Variants in SUSD4 observed in about 807,000 individuals in gnomAD.
The protein encoded by SUSD4 is sushi domain containing 4, also known as sushi domain-containing protein 4.
Under a neutral mutation model 50.5 loss-of-function variants are expected in SUSD4, and 41 were observed. The ratio of observed to expected loss-of-function variants is 0.81; its 90% confidence interval spans 0.63 to 1.05. The LOEUF (loss-of-function observed/expected upper bound fraction) is 1.05. SUSD4 is among the 50% of genes least tolerant of loss of function. SUSD4 has a pLI of 0.00. For missense variants in SUSD4, 580 were observed against 634.7 expected, an observed-to-expected ratio of 0.91 and a Z score of 0.93; for synonymous variants, 257 against 257.3, an observed-to-expected ratio of 1.00 and a Z score of 0.01.
Position 223,350,359 on chromosome 1 carries a change from A to C in SUSD4, c.148+12919T>G, listed in dbSNP as rs986403664. Among the ~76,000 whole-genome samples the C allele has an allele frequency of 4.6e-5, 7 of 152,338 alleles. No individual in the cohort carries two copies. In the East Asian group the frequency reaches 1.2e-3, roughly 25 times the overall value. On this transcript the variant is annotated intron_variant, in intron 2 of 8. Transcript: ENST00000366878. The stretch of plus-strand genomic sequence containing the variant: ...TGAACAAATGTAAGAGTGGATGAAG[A>C]TAAGAAGCCGGAAAGACTTCCTCCC...
At chr1:223,273,128 T>C (rs922143242) in intron 3 of SUSD4, among the ~76,000 whole-genome samples, 3 of 152,236 alleles carry the variant, frequency 2.0e-5, no homozygotes, top group Middle Eastern at 3.4e-3. Flanking sequence ...GAGAAGAACA[T>C]GTTAGGCAGT....
intron 5 of SUSD4, among the ~76,000 whole-genome samples, chr1:223,252,350 G>C (rs1245561504): frequency 6.6e-6 from 1 of 151,772 alleles, no homozygotes; most frequent in Non-Finnish European, 1.5e-5. Context: ...GCAGAGGCTG[G>C]AATGAAGCGG....
rs1289824249 is a variant in SUSD4, at chr1:223,234,854, C to G, written c.725-5466G>C. The G allele has an allele frequency of 3.5e-6, 5 of 1,427,948 alleles. No individual in the cohort carries two copies. The East Asian group carries it at 1.3e-4, about 37-fold the overall frequency. The allele number at this position is 1,427,948 out of a possible 1,614,324, so 88.5% of individuals were successfully genotyped here. Reference sequence around the variant, plus strand: ...CAAAACAATGCCAGTTGGTTCTTCCCTTGATGCACTAACAGGTGTGCAGAT... The same window carrying G: ...CAAAACAATGCCAGTTGGTTCTTCCGTTGATGCACTAACAGGTGTGCAGAT... On this transcript the variant is annotated intron_variant, in intron 5 of 8. Transcript: ENST00000366878.
chr1:223,347,778 C>G (rs1302331419), intron 2 of SUSD4, among the ~76,000 whole-genome samples: 1 of 74,538 alleles, frequency 1.3e-5, no homozygotes, highest in Non-Finnish European at 2.9e-5. Flanking sequence ...ACTGTAAATA[C>G]TTTTCCTCGT....
At chr1:223,286,198 C>G (rs1348291347) in intron 3 of SUSD4, among the ~76,000 whole-genome samples, 2 of 152,178 alleles carry the variant, frequency 1.3e-5, no homozygotes, top group Non-Finnish European at 2.9e-5. Flanking sequence ...TCACTGCAAG[C>G]TCCTCCCCCT....
intron 7 of SUSD4, among the ~76,000 whole-genome samples, 161 bp from the exon 8 acceptor site, chr1:223,223,792 C>T (rs752156347): frequency 9.9e-5 from 15 of 152,238 alleles, no homozygotes; most frequent in Non-Finnish European, 2.1e-4. Flanking sequence ...TCAGGGACTC[C>T]TCTGGAAGAT....
At chr1:223,268,377 G>T in intron 4 of SUSD4, 125 bp downstream of exon 4, 1 of 1,266,410 alleles carries the variant, frequency 7.9e-7, no homozygotes, top group Non-Finnish European at 1.1e-6. Context: ...GATCCATGTG[G>T]GGTAGATGGC....
intron 5 of SUSD4, among the ~76,000 whole-genome samples, chr1:223,254,673 T>C (rs975386392): frequency 1.3e-5 from 2 of 152,098 alleles, no homozygotes; most frequent in Non-Finnish European, 2.9e-5. Flanking sequence ...AGATCAGTGT[T>C]TCTGGATTTG....
At chr1:223,295,730 C>T (rs1664776535) in intron 2 of SUSD4, among the ~76,000 whole-genome samples, 1 of 151,474 alleles carries the variant, frequency 6.6e-6, no homozygotes, top group Admixed American at 6.6e-5. Context: ...TTTGTGTTAG[C>T]TCAGGGTTTG....
chr1:223,236,161 G>A (rs1003383619), intron 5 of SUSD4, among the ~76,000 whole-genome samples: 1 of 152,192 alleles, frequency 6.6e-6, no homozygotes, highest in South Asian at 2.1e-4. Context: ...ATCTTTGATG[G>A]TGTTAAGGTC....
At chr1:223,234,795 A>G in intron 5 of SUSD4, 1 of 951,072 alleles carries the variant, frequency 1.1e-6, no homozygotes, top group Non-Finnish European at 1.5e-6. Flanking sequence ...TGAGATACAC[A>G]CTAAAATAAA....
intron 3 of SUSD4, among the ~76,000 whole-genome samples, chr1:223,274,753 C>T (rs1663145017): frequency 6.6e-6 from 1 of 152,176 alleles, no homozygotes; most frequent in African/African-American, 2.4e-5. Flanking sequence ...CTTGGAGGGA[C>T]TGAGACTGCT....
rs1262668351 is a variant in SUSD4 at position 223,222,198 on chromosome 1, A to G, written c.1467T>C (p.Asp489=). 2.5e-6 allele frequency: 4 copies of G among 1,613,666 alleles called. No homozygotes were observed. In the African/African-American group the frequency reaches 5.3e-5, roughly 22 times the overall value. The change falls in exon 9 of 9, where the codon GAT becomes GAC. Residue 489 remains aspartate (D), a synonymous_variant. Transcript: ENST00000366878. ...IADEIPLMEE[D]P ...ATCTGGATCTTGACCCATATTAGGG[A>G]TCTTCTTCCATTAGAGGAATCTCTG...
At position 223,224,852 on chromosome 1, in the gene SUSD4, T is replaced by C. The variant is rs186144010; in HGVS notation, c.1062-1221A>G. 8.6e-4 allele frequency among the ~76,000 whole-genome samples: 126 copies of C among 146,594 alleles called. 1 individual carries two copies. In the Middle Eastern group the frequency reaches 0.017, roughly 20 times the overall value. ...TGGCTAATAAGTAGCCAATAGAACTTGGTTTCTTCCTTTTTTTTTTTTTTT... is the reference window on the plus strand; with the variant it reads ...TGGCTAATAAGTAGCCAATAGAACTCGGTTTCTTCCTTTTTTTTTTTTTTT... On this transcript the variant is annotated intron_variant, in intron 7 of 8. Transcript: ENST00000366878.
At chr1:223,307,683 G>A (rs953304433) in intron 2 of SUSD4, among the ~76,000 whole-genome samples, 23 of 152,182 alleles carry the variant, frequency 1.5e-4, no homozygotes, top group African/African-American at 3.6e-4. Flanking sequence ...AATAGAAAGC[G>A]CTGGCTGACT....
In SUSD4 at chr1:223,358,246, A is replaced by AGATG. The variant is rs143723639; in HGVS notation, c.148+5028_148+5031dup. ...AGGATGTACAATAGACACTGGAAAA[A>AGATG]GATGGATGGATGGATGGATGGATGG... On this transcript the variant is annotated intron_variant, in intron 2 of 8. Coordinates refer to ENST00000366878, the MANE Select transcript of SUSD4 (RefSeq NM_017982.4). 9.3e-4 allele frequency among the ~76,000 whole-genome samples: 141 copies of AGATG among 152,132 alleles called. No individual in the cohort carries two copies. The East Asian group carries it at 0.014, about 15-fold the overall frequency.
intron 5 of SUSD4, among the ~76,000 whole-genome samples, chr1:223,243,533 G>T (rs966073462): frequency 5.9e-5 from 9 of 152,234 alleles, no homozygotes; most frequent in African/African-American, 2.2e-4. Context: ...AGGGCCCCCA[G>T]GGCCAGGCAG....
intron 5 of SUSD4, among the ~76,000 whole-genome samples, chr1:223,258,994 C>T (rs139453778): frequency 5.9e-4 from 90 of 152,282 alleles, no homozygotes; most frequent in African/African-American, 1.7e-3. Context: ...TTCTCTACCA[C>T]GGGAGGCCCT....
chr1:223,240,209 T>A (rs1275773441), intron 5 of SUSD4, among the ~76,000 whole-genome samples: 3 of 152,108 alleles, frequency 2.0e-5, no homozygotes, highest in African/African-American at 4.8e-5. Flanking sequence ...TTCAGAATTT[T>A]TTTATTTTTG....
Sources: allele counts gnomAD v4.1 joint callset (sites outside exome capture counted in the v4.1 genomes callset), GRCh38; gene constraint gnomAD v4.1.1; transcripts MANE v1.5; gene names NCBI Gene and HGNC (gene_info 2026-07-23, HGNC 2026-07-21).